The following FAM83G variants were observed in gnomAD, a reference collection of about 807,000 sequenced individuals.
FAM83G encodes the protein protein FAM83G.
A neutral mutation model predicts 61.5 loss-of-function variants in FAM83G; 38 were observed. The ratio of observed to expected loss-of-function variants is 0.62; its 90% confidence interval spans 0.48 to 0.81. The LOEUF (loss-of-function observed/expected upper bound fraction) is 0.81, where lower values mean the gene tolerates loss of function less well. Among genes scored for constraint, FAM83G ranks in the 30% least tolerant of loss-of-function variants. The pLI, the probability that FAM83G is intolerant of heterozygous loss-of-function variation, is 0.00. For missense variants in FAM83G, 989 were observed against 1,133.6 expected, an observed-to-expected ratio of 0.87 and a Z score of 1.83; for synonymous variants, 470 against 476.1, an observed-to-expected ratio of 0.99 and a Z score of 0.17.
Position 18,988,232 on chromosome 17 carries a change from G to A in FAM83G, c.690+15C>T. The A allele has an allele frequency of 6.2e-7, 1 of 1,603,176 alleles. No individual in the cohort carries two copies. Among genetic ancestry groups the A allele is most frequent in the Non-Finnish European group, 8.5e-7 (1 of 1,171,398 alleles). ...CTGCCCTCCAGCCACCCAGGCAAGT[G>A]AGGAGCCTGCTCACCTTGAGGTGCC... On this transcript the variant is annotated intron_variant, in intron 3 of 5. Transcript: ENST00000388995.
In FAM83G at chr17:18,969,238, G is replaced by T; in HGVS notation, c.*2121C>A. 1 of 1,578,498 alleles carries T rather than the reference G, an allele frequency of 6.3e-7. No homozygotes were observed. The highest frequency in any genetic ancestry group is 1.1e-5 in the South Asian group (1 of 87,606). ...GCCACCTCCCCCTACAGGCCCGAGGGAGCAGCCCAGGAAGTGGCCCCAGCA... is the reference window on the plus strand; with the variant it reads ...GCCACCTCCCCCTACAGGCCCGAGGTAGCAGCCCAGGAAGTGGCCCCAGCA... On this transcript the variant is annotated 3_prime_UTR_variant, in exon 6 of 6. Transcript: ENST00000388995.
At chr17:18,988,635 G>A (rs2043328737) in intron 2 of FAM83G, among the ~76,000 whole-genome samples, 1 of 152,236 alleles carries the variant, frequency 6.6e-6, no homozygotes, top group Non-Finnish European at 1.5e-5. Flanking sequence ...CAGCCCAGGG[G>A]CCCTGTGTTG....
Position 18,971,159 on chromosome 17 carries a change from TG to T in FAM83G, c.*199del. On this transcript the variant is annotated 3_prime_UTR_variant, in exon 6 of 6. Transcript: ENST00000388995. This position sits in a 1 kb window ranked among gnomAD's most constrained non-coding sequence, Gnocchi z 5.5. ...AGACCCCCACACAGGGGACCTGCCG[TG>T]GACCGGGATGACCTTTGGCCTGACC... 1.2e-6 allele frequency: 2 copies of T among 1,614,094 alleles called. No homozygotes were observed. The highest frequency in any genetic ancestry group is 1.7e-6 in the Non-Finnish European group (2 of 1,180,042).
At position 18,970,952 on chromosome 17, in the gene FAM83G, G is replaced by T; in HGVS notation, c.*407C>A. The T allele has an allele frequency of 2.6e-6, 4 of 1,524,412 alleles. No individual in the cohort carries two copies. Among genetic ancestry groups the T allele is most frequent in the Non-Finnish European group, 3.6e-6 (4 of 1,101,822 alleles). The allele number at this position is 1,524,412 out of a possible 1,614,324, so 94.4% of individuals were successfully genotyped here. A position where few individuals can be genotyped will look rare whatever the true frequency, so the allele number is the denominator to read the frequency against. On this transcript the variant is annotated 3_prime_UTR_variant, in exon 6 of 6. Transcript: ENST00000388995. The stretch of plus-strand genomic sequence containing the variant: ...TCTTGTGAGATGAAGGCAGGGGGGA[G>T]CCCAGGGAGTCAGGGCCCCGCAACC...
rs186697015 is a variant in FAM83G, at chr17:18,977,959, C to T, written c.1707G>A (p.Gly569=). The T allele has an allele frequency of 9.1e-5, 146 of 1,599,598 alleles. No homozygotes were observed. In the East Asian group the frequency reaches 2.8e-3, roughly 30 times the overall value. Residue 569 remains glycine (G), a synonymous_variant, in exon 5 of 6, where the codon GGG becomes GGA. Coordinates refer to ENST00000388995, the MANE Select transcript of FAM83G (RefSeq NM_001039999.3). ...SVTQDDPESL[G]VGLPNGLDGV... ...CATCCAGCCCATTGGGGAGCCCCACCCCGAGGCTCTCGGGGTCATCCTGGG... is the reference window on the plus strand; with the variant it reads ...CATCCAGCCCATTGGGGAGCCCCACTCCGAGGCTCTCGGGGTCATCCTGGG...
intron 3 of FAM83G, among the ~76,000 whole-genome samples, chr17:18,983,330 G>A (rs527918686): frequency 1.6e-4 from 25 of 152,364 alleles, no homozygotes; most frequent in Admixed American, 5.9e-4. Context: ...GGAACCACAC[G>A]CCCAGGTCCC....
At position 18,988,211 on chromosome 17, in the gene FAM83G, C is replaced by G. The variant is rs773184976; in HGVS notation, c.690+36G>C. On this transcript the variant is annotated intron_variant, in intron 3 of 5. Transcript: ENST00000388995. ...TGTTGACAGACTGAATGACCCCTGC[C>G]CTCCAGCCACCCAGGCAAGTGAGGA... The G allele has an allele frequency of 5.6e-5, 89 of 1,598,020 alleles. No homozygotes were observed. The South Asian group carries it at 9.7e-4, about 17-fold the overall frequency.
chr17:18,977,006 G>A lies in FAM83G; in HGVS notation c.2082+578C>T, dbSNP rs752609210. ...TGTTCCCAGGTAGGACGGGCTCCGG[G>A]CACTGAACCCAGGCTGCAGGGCACC... On this transcript the variant is annotated intron_variant, in intron 5 of 5. Coordinates refer to ENST00000388995, the MANE Select transcript of FAM83G (RefSeq NM_001039999.3). The A allele has an allele frequency of 4.4e-5, 71 of 1,609,982 alleles. No individual in the cohort carries two copies. The South Asian group carries it at 7.2e-4, about 16-fold the overall frequency.
chr17:18,974,790 C>A (rs1194529543), intron 5 of FAM83G, among the ~76,000 whole-genome samples: 1 of 152,186 alleles, frequency 6.6e-6, no homozygotes, highest in East Asian at 1.9e-4. Flanking sequence ...GATGAGGAGC[C>A]CAAGGTGAAA....
chr17:18,973,097 C>T (rs2042894933), intron 5 of FAM83G, among the ~76,000 whole-genome samples: 1 of 152,214 alleles, frequency 6.6e-6, no homozygotes, highest in Non-Finnish European at 1.5e-5. Context: ...GGGCTGAGGG[C>T]CAGCCCCAGT....
rs372786780 is a variant in FAM83G at position 18,989,077 on chromosome 17, C to T, written c.523-663G>A. Among the ~76,000 whole-genome samples the T allele has an allele frequency of 4.2e-3, 645 of 152,324 alleles. 5 individuals are homozygous for T. Among genetic ancestry groups the T allele is most frequent in the African/African-American group, 0.014 (594 of 41,574 alleles). On this transcript the variant is annotated intron_variant, in intron 2 of 5. Coordinates refer to ENST00000388995, the MANE Select transcript of FAM83G (RefSeq NM_001039999.3). ...TAGTCCCCTCCCTGTCCCTTGGCAG[C>T]AAGGGGAGGGAGTCAGGACAGGGCC...
intron 2 of FAM83G, among the ~76,000 whole-genome samples, chr17:18,998,476 G>C (rs1026078422): frequency 7.2e-5 from 11 of 152,262 alleles, no homozygotes; most frequent in South Asian, 2.1e-4. Flanking sequence ...GTAACCTTAT[G>C]AAGGCCCCAG....
At position 18,970,677 on chromosome 17, in the gene FAM83G, C is replaced by CG; in HGVS notation, c.*681dup. 3.0e-6 allele frequency: 1 copy of CG among 336,260 alleles called. No homozygotes were observed. The highest frequency in any genetic ancestry group is 5.5e-6 in the Non-Finnish European group (1 of 181,730). 20.8% of individuals were successfully genotyped at this position (336,260 alleles called of 1,614,324 possible). On this transcript the variant is annotated 3_prime_UTR_variant, in exon 6 of 6. Transcript: ENST00000388995. The stretch of plus-strand genomic sequence containing the variant: ...ACTTTTGCTTCCTTGAATCGACAAT[C>CG]GGAAACCTGGCTGAGAACCACTTGC...
intron 5 of FAM83G, among the ~76,000 whole-genome samples, chr17:18,973,552 T>A (rs1297749922): frequency 6.6e-6 from 1 of 152,158 alleles, no homozygotes; most frequent in African/African-American, 2.4e-5. Flanking sequence ...AGGTTCCTGG[T>A]CTCTGTGTGG....
At chr17:18,998,538 C>T (rs148196654) in intron 2 of FAM83G, among the ~76,000 whole-genome samples, 12 of 152,348 alleles carry the variant, frequency 7.9e-5, no homozygotes, top group African/African-American at 2.4e-4. Flanking sequence ...GACGGCAGGC[C>T]CTGGCTCTTG....
In FAM83G at chr17:18,968,823, T is replaced by C. The variant is rs185380397; in HGVS notation, c.*2536A>G. ...AGGCATTGGCCACTTTGGACTTTAT[T>C]AGCAACAGTAATGTCCCCTGACATC... On this transcript the variant is annotated 3_prime_UTR_variant, in exon 6 of 6. Transcript: ENST00000388995. This position sits in a 1 kb window ranked among gnomAD's most constrained non-coding sequence, Gnocchi z 4.1. 3.5e-4 allele frequency: 191 copies of C among 538,442 alleles called. No individual in the cohort carries two copies. The highest frequency in any genetic ancestry group is 3.4e-3 in the African/African-American group (177 of 52,076). The allele number at this position is 538,442 out of a possible 1,614,324, so 33.4% of individuals were successfully genotyped here.
At chr17:18,982,126 T>C (rs1279361761) in intron 3 of FAM83G, among the ~76,000 whole-genome samples, 1 of 152,250 alleles carries the variant, frequency 6.6e-6, no homozygotes, top group African/African-American at 2.4e-5. Flanking sequence ...TCAGCCTCCG[T>C]GTGAGCCGCA....
chr17:18,975,917 G>C (rs1039629350), intron 5 of FAM83G: 6 of 152,076 alleles, frequency 3.9e-5, no homozygotes, highest in South Asian at 2.1e-4. Flanking sequence ...GGCTGGGCAC[G>C]GTGGCTCACG....
intron 3 of FAM83G, chr17:18,986,315 A>T (rs1393923808): frequency 1.3e-5 from 2 of 152,164 alleles, no homozygotes; most frequent in Admixed American, 6.5e-5. Flanking sequence ...AATATAAGGG[A>T]TCAAGTTCAT....
Sources: gnomAD v4.1 joint callset for allele counts (sites outside exome capture counted in the v4.1 genomes callset) on GRCh38, gnomAD v4.1.1 for gene constraint, Gnocchi (gnomAD v3.1) non-coding constraint, MANE v1.5 for transcripts, NCBI Gene and HGNC (gene_info 2026-07-23, HGNC 2026-07-21) for gene names.